The following PRDM2 variants were observed in gnomAD, a reference collection of about 807,000 sequenced individuals.
PRDM2 encodes PR domain zinc finger protein 2.
In PRDM2, 30 loss-of-function variants were observed where a neutral mutation model predicts 130.0. The observed-to-expected ratio is 0.23, with a 90% CI of 0.17 to 0.31. PRDM2 has a LOEUF of 0.31. Ranked by LOEUF, PRDM2 falls within the 10% of genes least tolerant of loss-of-function variation. The probability of loss-of-function intolerance (pLI) is 1.00; values close to 1 mark genes in which losing one functional copy is unlikely to be tolerated. For missense variants in PRDM2, 2,011 were observed against 2,108.4 expected (o/e 0.95, Z 0.90); for synonymous variants, 871 against 782.4 (o/e 1.11, Z -1.89).
At chr1:13,819,547 A>G (rs139596195) in intron 9 of PRDM2, among the ~76,000 whole-genome samples, 5 of 152,264 alleles carry the variant, frequency 3.3e-5, no homozygotes, top group Admixed American at 1.3e-4. Context: ...TGCTACTTAT[A>G]TTATTTTTAA....
intron 1 of PRDM2, among the ~76,000 whole-genome samples, chr1:13,702,591 T>A (rs1202954661): frequency 6.6e-6 from 1 of 152,228 alleles, no homozygotes; most frequent in Non-Finnish European, 1.5e-5. Flanking sequence ...TGTACATATA[T>A]CTGCGCCTAT....
intron 8 of PRDM2, among the ~76,000 whole-genome samples, chr1:13,798,122 G>T (rs1302085985): frequency 6.6e-6 from 1 of 152,074 alleles, no homozygotes; most frequent in Non-Finnish European, 1.5e-5. Flanking sequence ...ACAGCGCCCT[G>T]CATGTGTGTG....
intron 6 of PRDM2, chr1:13,770,435 T>C (rs932381777): frequency 2.7e-6 from 1 of 372,356 alleles, no homozygotes; most frequent in African/African-American, 2.2e-5. Context: ...TAATACTCTA[T>C]TTACATGTAG....
intron 6 of PRDM2, among the ~76,000 whole-genome samples, 190 bp from the exon 7 acceptor site, chr1:13,772,887 AT>A (rs1644388634): frequency 6.6e-6 from 1 of 152,236 alleles, no homozygotes; most frequent in East Asian, 1.9e-4. Flanking sequence ...ATTTACCTAT[AT>A]AACAGAGTAT....
At chr1:13,725,114 A>C (rs997854384) in intron 2 of PRDM2, among the ~76,000 whole-genome samples, 1 of 152,200 alleles carries the variant, frequency 6.6e-6, no homozygotes, top group East Asian at 1.9e-4. Flanking sequence ...TGTTGTATCT[A>C]TGGATGTTTA....
At chr1:13,790,399 A>G (rs565909930) in intron 8 of PRDM2, among the ~76,000 whole-genome samples, 2 of 152,098 alleles carry the variant, frequency 1.3e-5, no homozygotes, top group African/African-American at 2.4e-5. Context: ...TCTGAAGCCA[A>G]TCCTGAGCCG....
intron 8 of PRDM2, among the ~76,000 whole-genome samples, chr1:13,796,441 A>T (rs962379629): frequency 6.6e-6 from 1 of 152,200 alleles, no homozygotes; most frequent in Non-Finnish European, 1.5e-5. Context: ...GGATTTGTGG[A>T]CATGGTTTGC....
chr1:13,730,257 CA>C (rs1286147213), intron 2 of PRDM2, among the ~76,000 whole-genome samples: 6 of 152,160 alleles, frequency 3.9e-5, no homozygotes, highest in Non-Finnish European at 7.4e-5. Context: ...CCAGTTGGCT[CA>C]AATCTCTCCC....
In PRDM2 at chr1:13,806,640, C is replaced by G. The variant is rs190497123; in HGVS notation, c.5037-9787C>G. 3.9e-3 allele frequency among the ~76,000 whole-genome samples: 589 copies of G among 152,294 alleles called. 4 individuals are homozygous for G. The highest frequency in any genetic ancestry group is 0.013 in the African/African-American group (548 of 41,568). ...AATCCACAGCTTCTCTCAGCTCAGC[C>G]TCCTCAGCTGACCTGAGGTCCAGGC... On this transcript the variant is annotated intron_variant, in intron 8 of 9. Transcript: ENST00000311066. The surrounding 1 kb of genome is among the most constrained non-coding windows in gnomAD (Gnocchi z 4.1).
In PRDM2 at chr1:13,738,710, A is replaced by C. The variant is rs553185302; in HGVS notation, c.232-3295A>C. ...ATTCTCTTTTATTTCCTTATTCTAG[A>C]ATTTTCAGAACATTTTAGAATACAG... On this transcript the variant is annotated intron_variant, in intron 4 of 9. Transcript: ENST00000311066. The C allele has an allele frequency of 4.7e-4, 71 of 152,332 alleles. 1 individual carries two copies. The highest frequency in any genetic ancestry group is 1.5e-3 in the African/African-American group (62 of 41,574). The allele number at this position is 152,332 out of a possible 1,614,324, so 9.4% of individuals were successfully genotyped here.
chr1:13,709,804 G>GT (rs1340530247), intron 1 of PRDM2, among the ~76,000 whole-genome samples: 2 of 152,080 alleles, frequency 1.3e-5, no homozygotes, highest in South Asian at 4.1e-4. Context: ...GAAAGTTAAA[G>GT]TTTTTTCTGA....
rs1186436537 is a variant in PRDM2, at chr1:13,823,608, CCT to C, written c.*479_*480del. Reference sequence around the variant, plus strand: ...GGCCGAGTTCCCCTTCAGTACCACCCCTCTCTCCCCACCTTCCCTCTCCCGGC... The same window carrying C: ...GGCCGAGTTCCCCTTCAGTACCACCCCTCTCCCCACCTTCCCTCTCCCGGC... On this transcript the variant is annotated 3_prime_UTR_variant, in exon 10 of 10. Transcript: ENST00000311066. The C allele has an allele frequency of 6.0e-6, 1 of 165,596 alleles. No homozygotes were observed. Among genetic ancestry groups the C allele is most frequent in the African/African-American group, 2.4e-5 (1 of 41,920 alleles). 10.3% of individuals were successfully genotyped at this position (165,596 alleles called of 1,614,324 possible).
chr1:13,746,759 G>A (rs1643623201), intron 5 of PRDM2, among the ~76,000 whole-genome samples: 1 of 152,068 alleles, frequency 6.6e-6, no homozygotes, highest in Non-Finnish European at 1.5e-5. Context: ...GTTTCGCCAT[G>A]TTGCCCAGGC....
Position 13,778,689 on chromosome 1 carries a change from C to T in PRDM2, c.894C>T (p.Ser298=), listed in dbSNP as rs985550147. The T allele has an allele frequency of 6.2e-7, 1 of 1,614,148 alleles. No homozygotes were observed. Among genetic ancestry groups the T allele is most frequent in the Non-Finnish European group, 8.5e-7 (1 of 1,180,040 alleles). Residue 298 remains serine, a synonymous_variant, in exon 8 of 10, where the codon AGC becomes AGT. Coordinates refer to ENST00000311066, the MANE Select transcript of PRDM2 (RefSeq NM_001393986.1). ...AAGACGAGGGGGAAGAAGAAGCCAG[C>T]ATGCCAAATGAAAATTCTGTGAAAG... The part of the protein sequence containing the change: ...ELEDEGEEEA[S]MPNENSVKEP...
chr1:13,734,765 C>T (rs1333429995), intron 4 of PRDM2, among the ~76,000 whole-genome samples: 1 of 152,116 alleles, frequency 6.6e-6, no homozygotes, highest in African/African-American at 2.4e-5. Context: ...AAAAAAATCT[C>T]ATTCAAGTAG....
At chr1:13,735,754 G>T (rs944598967) in intron 4 of PRDM2, among the ~76,000 whole-genome samples, 2 of 152,014 alleles carry the variant, frequency 1.3e-5, no homozygotes, top group African/African-American at 4.8e-5. Context: ...TTACATTAGC[G>T]GTCACTGTTT....
intron 7 of PRDM2, among the ~76,000 whole-genome samples, chr1:13,774,999 C>T (rs1644443914): frequency 6.6e-6 from 1 of 151,960 alleles, no homozygotes; most frequent in Non-Finnish European, 1.5e-5. Flanking sequence ...ATGACACTTG[C>T]TCTTCACCCC....
At chr1:13,762,386 C>CA (rs1395047305) in intron 6 of PRDM2, among the ~76,000 whole-genome samples, 2 of 152,228 alleles carry the variant, frequency 1.3e-5, no homozygotes, top group African/African-American at 4.8e-5. Context: ...GGGAAGGGGA[C>CA]AAGAGCCTAG....
chr1:13,820,481 T>C (rs1350877134), intron 9 of PRDM2, among the ~76,000 whole-genome samples: 1 of 152,200 alleles, frequency 6.6e-6, no homozygotes, highest in Non-Finnish European at 1.5e-5. Flanking sequence ...ACATCCTGTC[T>C]TCACCCCGTG....
Sources: gnomAD v4.1 joint callset for allele counts (sites outside exome capture counted in the v4.1 genomes callset) on GRCh38, gnomAD v4.1.1 for gene constraint, Gnocchi (gnomAD v3.1) non-coding constraint, MANE v1.5 for transcripts, NCBI Gene and HGNC (gene_info 2026-07-23, HGNC 2026-07-21) for gene names.